SLC24A3: variants seen among roughly 807,000 people sequenced by gnomAD.
SLC24A3 encodes sodium/potassium/calcium exchanger 3.
A neutral mutation model predicts 75.8 loss-of-function variants in SLC24A3; 28 were observed. The observed-to-expected ratio is 0.37, with a 90% CI of 0.27 to 0.51. SLC24A3 has a LOEUF of 0.51. SLC24A3 is among the 20% of genes least tolerant of loss of function. The pLI is 0.94. For missense variants in SLC24A3, 663 were observed against 847.8 expected, an observed-to-expected ratio of 0.78 and a Z score of 2.71; for synonymous variants, 372 against 334.1, an observed-to-expected ratio of 1.11 and a Z score of -1.24.
chr20:19,626,983 A>G (rs909950082), intron 6 of SLC24A3, among the ~76,000 whole-genome samples: 2 of 152,236 alleles, frequency 1.3e-5, no homozygotes, highest in Admixed American at 6.5e-5. Flanking sequence ...AACTGAAAAC[A>G]TCCTACAAGG....
chr20:19,463,802 C>A (rs920495885), intron 2 of SLC24A3, among the ~76,000 whole-genome samples: 1 of 152,180 alleles, frequency 6.6e-6, no homozygotes, highest in Non-Finnish European at 1.5e-5. Flanking sequence ...GTAAAGGGCT[C>A]CCCCTGGCTA....
At chr20:19,580,121 G>A in intron 4 of SLC24A3, 47 bp downstream of exon 4, 1 of 1,543,010 alleles carries the variant, frequency 6.5e-7, no homozygotes, top group Non-Finnish European at 9.0e-7. Context: ...CTGGGGACTG[G>A]ACCTGTGCCC....
At chr20:19,645,667 C>T (rs1252663229) in intron 6 of SLC24A3, among the ~76,000 whole-genome samples, 1 of 151,830 alleles carries the variant, frequency 6.6e-6, no homozygotes, top group Non-Finnish European at 1.5e-5. Flanking sequence ...GTGGACATCC[C>T]CCCTAAAAAA....
intron 2 of SLC24A3, among the ~76,000 whole-genome samples, chr20:19,475,400 C>T (rs781207676): frequency 1.3e-5 from 2 of 151,796 alleles, no homozygotes; most frequent in Non-Finnish European, 2.9e-5. Flanking sequence ...TTCCATTTAC[C>T]GTTTTAAAGG....
intron 2 of SLC24A3, 96 bp from the exon 3 acceptor site, chr20:19,515,384 TCATCCAAG>T: frequency 1.1e-5 from 12 of 1,052,952 alleles, no homozygotes; most frequent in Admixed American, 6.1e-5. Flanking sequence ...GATCTTTTTT[TCATCCAAG>T]TTCATGGACC....
chr20:19,515,445 G>A (rs2029967045), intron 2 of SLC24A3, 43 bp from the exon 3 acceptor site: 1 of 1,587,824 alleles, frequency 6.3e-7, no homozygotes, highest in Non-Finnish European at 8.7e-7. Context: ...CACTGAAAAT[G>A]TGGTCACCTG....
rs150392118 is a variant in SLC24A3, at chr20:19,582,411, G to C, written c.423+2337G>C. Among the ~76,000 whole-genome samples, 678 of 152,318 alleles carry C rather than the reference G, an allele frequency of 4.5e-3. 2 individuals carry two copies. Among genetic ancestry groups the C allele is most frequent in the Non-Finnish European group, 7.4e-3 (501 of 68,036 alleles). On this transcript the variant is annotated intron_variant, in intron 4 of 16. Coordinates refer to ENST00000328041, the MANE Select transcript of SLC24A3 (RefSeq NM_020689.4). Reference sequence around the variant, plus strand: ...GGGAGAGAAATCCACACTGTGCAACGAATCATTGCTTGGAGGTCAGGGCAG... The same window carrying C: ...GGGAGAGAAATCCACACTGTGCAACCAATCATTGCTTGGAGGTCAGGGCAG...
At chr20:19,639,330 G>T (rs2032041336) in intron 6 of SLC24A3, among the ~76,000 whole-genome samples, 2 of 151,506 alleles carry the variant, frequency 1.3e-5, no homozygotes, top group South Asian at 4.2e-4. Context: ...AGTGCTGATT[G>T]GTGTATTTAC....
intron 2 of SLC24A3, among the ~76,000 whole-genome samples, chr20:19,284,880 C>T (rs1011188182): frequency 5.3e-5 from 8 of 152,216 alleles, no homozygotes; most frequent in Admixed American, 3.9e-4. Flanking sequence ...TTATCCCTTC[C>T]CTTGCACACA....
chr20:19,252,463 T>C (rs1430597875), intron 1 of SLC24A3, among the ~76,000 whole-genome samples: 1 of 152,214 alleles, frequency 6.6e-6, no homozygotes, highest in Non-Finnish European at 1.5e-5. Flanking sequence ...AGTAGCAATA[T>C]ACTTGTGGTC....
chr20:19,233,487 A>G (rs1040496864), intron 1 of SLC24A3, among the ~76,000 whole-genome samples: 8 of 152,190 alleles, frequency 5.3e-5, no homozygotes, highest in Non-Finnish European at 1.0e-4. Flanking sequence ...AACTTTTCTA[A>G]GTCATTGGAA....
At chr20:19,425,084 C>A (rs1345587586) in intron 2 of SLC24A3, among the ~76,000 whole-genome samples, 1 of 152,136 alleles carries the variant, frequency 6.6e-6, no homozygotes, top group Non-Finnish European at 1.5e-5. Context: ...GTGGGCAGAT[C>A]ACGAGTTCAG....
chr20:19,664,525 A>G (rs949545034), intron 7 of SLC24A3, among the ~76,000 whole-genome samples: 2 of 152,220 alleles, frequency 1.3e-5, no homozygotes, highest in African/African-American at 4.8e-5. Context: ...GATAATTGGA[A>G]AGAGTTGCTT....
At chr20:19,678,610 C>G (rs946628920) in intron 9 of SLC24A3, among the ~76,000 whole-genome samples, 1 of 149,952 alleles carries the variant, frequency 6.7e-6, no homozygotes, top group Non-Finnish European at 1.5e-5. Flanking sequence ...CCCCTCACCT[C>G]CCGGACGGGG....
chr20:19,270,563 A>G (rs1223261200), intron 1 of SLC24A3, among the ~76,000 whole-genome samples: 1 of 152,114 alleles, frequency 6.6e-6, no homozygotes, highest in African/African-American at 2.4e-5. Flanking sequence ...CATGTGGTGG[A>G]GAAAGGGCTA....
chr20:19,266,120 ATC>A (rs960370990), intron 1 of SLC24A3: 11 of 152,240 alleles, frequency 7.2e-5, no homozygotes, highest in African/African-American at 2.6e-4. Flanking sequence ...GTTTTATTGA[ATC>A]TCTCCTCTGT....
intron 15 of SLC24A3, among the ~76,000 whole-genome samples, chr20:19,704,935 G>A (rs1053660961): frequency 7.9e-5 from 12 of 152,182 alleles, no homozygotes; most frequent in Admixed American, 5.9e-4. Flanking sequence ...AAGGCACAGC[G>A]GTTAAATCAC....
At chr20:19,536,558 G>A (rs964079430) in intron 3 of SLC24A3, among the ~76,000 whole-genome samples, 8 of 152,262 alleles carry the variant, frequency 5.3e-5, no homozygotes, top group South Asian at 4.1e-4. Flanking sequence ...AAAAGAGTCC[G>A]CATTGCCAAG....
At chr20:19,604,818 C>T (rs1045035065) in intron 6 of SLC24A3, among the ~76,000 whole-genome samples, 4 of 152,194 alleles carry the variant, frequency 2.6e-5, no homozygotes, top group Admixed American at 6.5e-5. Flanking sequence ...TCTGCATCCC[C>T]ACTTCAAAGC....
Sources: allele counts gnomAD v4.1 joint callset (sites outside exome capture counted in the v4.1 genomes callset), GRCh38; gene constraint gnomAD v4.1.1; transcripts MANE v1.5; gene names NCBI Gene and HGNC (gene_info 2026-07-23, HGNC 2026-07-21).